The following NCKAP1 variants were observed in gnomAD, a reference collection of about 807,000 sequenced individuals.
The protein encoded by NCKAP1 is nck-associated protein 1.
In NCKAP1, 21 loss-of-function variants were observed where a neutral mutation model predicts 151.2. That is an observed-to-expected ratio of 0.14 (90% CI 0.10 to 0.20). NCKAP1 has a LOEUF of 0.20. Ranked by LOEUF, NCKAP1 falls within the 10% of genes least tolerant of loss-of-function variation. The probability of loss-of-function intolerance (pLI) is 1.00; values close to 1 mark genes in which losing one functional copy is unlikely to be tolerated. For synonymous variants in NCKAP1, 484 were observed against 451.8 expected (o/e 1.07, Z -0.90); for missense variants, 933 against 1,352.1 (o/e 0.69, Z 4.86).
At chr2:182,956,691 T>G in intron 19 of NCKAP1, 98 bp from the exon 20 acceptor site, 1 of 1,290,104 alleles carries the variant, frequency 7.8e-7, no homozygotes, top group Non-Finnish European at 1.0e-6. Flanking sequence ...GAGATAATGC[T>G]TAGAGAATTC....
chr2:182,948,629 T>TAA (rs1362320682), intron 23 of NCKAP1, among the ~76,000 whole-genome samples: 10 of 152,102 alleles, frequency 6.6e-5, no homozygotes, highest in Non-Finnish European at 1.5e-4. Flanking sequence ...GACCCTAGAA[T>TAA]AATGGACAAT....
At chr2:183,026,791 G>A (rs1698906269) in intron 1 of NCKAP1, among the ~76,000 whole-genome samples, 2 of 152,096 alleles carry the variant, frequency 1.3e-5, no homozygotes, top group Non-Finnish European at 2.9e-5. Flanking sequence ...TTAGAAGAGA[G>A]ATAAAGAAAC....
chr2:183,027,775 A>G (rs1698926386), intron 1 of NCKAP1, among the ~76,000 whole-genome samples: 1 of 152,204 alleles, frequency 6.6e-6, no homozygotes, highest in Non-Finnish European at 1.5e-5. Flanking sequence ...GTTATAGTTT[A>G]TAAAAATTCA....
At position 182,951,943 on chromosome 2, in the gene NCKAP1, T is replaced by C. The variant is rs1697226128; in HGVS notation, c.2601+462A>G. On this transcript the variant is annotated intron_variant, in intron 23 of 30. Coordinates refer to ENST00000361354, the MANE Select transcript of NCKAP1 (RefSeq NM_013436.5). ...TGAAACATTAAGCATTCTGAAGGCA[T>C]TTTTCATTCAACTTAGAGGGCATAA... Among the ~76,000 whole-genome samples, 2 of 152,186 alleles carry C rather than the reference T, an allele frequency of 1.3e-5. 1 individual carries two copies. Among genetic ancestry groups the C allele is most frequent in the African/African-American group, 4.8e-5 (2 of 41,442 alleles).
intron 20 of NCKAP1, among the ~76,000 whole-genome samples, chr2:182,954,521 A>G (rs115059328): frequency 6.6e-6 from 1 of 152,212 alleles, no homozygotes; most frequent in Non-Finnish European, 1.5e-5. Context: ...CCTAGTGTAT[A>G]ATCCCTAAGT....
At position 182,909,219 on chromosome 2, in the gene NCKAP1, T is replaced by C. The variant is rs548240365; in HGVS notation, c.*16483A>G. ...ATACACATTATATCAAATTTACCGT[T>C]TCAACCATTTTTAAGCATACAGTTC... On this transcript the variant is annotated 3_prime_UTR_variant, in exon 31 of 31. Coordinates refer to ENST00000361354, the MANE Select transcript of NCKAP1 (RefSeq NM_013436.5). 1 of 152,308 alleles carries C rather than the reference T, an allele frequency of 6.6e-6. No homozygotes were observed. Among genetic ancestry groups the C allele is most frequent in the Admixed American group, 6.5e-5 (1 of 15,296 alleles). 9.4% of individuals were successfully genotyped at this position (152,308 alleles called of 1,614,324 possible). A position where few individuals can be genotyped will look rare whatever the true frequency, so the allele number is the denominator to read the frequency against.
At chr2:183,037,666 T>C (rs1352763867) in intron 1 of NCKAP1, among the ~76,000 whole-genome samples, 3 of 151,972 alleles carry the variant, frequency 2.0e-5, no homozygotes, top group African/African-American at 4.8e-5. Context: ...ATGGGCCCCA[T>C]CATGGGGGCG....
intron 16 of NCKAP1, 128 bp from the exon 17 acceptor site, chr2:182,964,936 T>C: frequency 1.6e-6 from 1 of 609,186 alleles, no homozygotes; most frequent in Admixed American, 3.9e-5. Context: ...AAGAGAATAT[T>C]TTTCCCCCAA....
At chr2:183,029,432 C>T (rs1311458003) in intron 1 of NCKAP1, among the ~76,000 whole-genome samples, 1 of 151,210 alleles carries the variant, frequency 6.6e-6, no homozygotes, top group African/African-American at 2.4e-5. Flanking sequence ...GTTAATGTTA[C>T]TATTTTTCCA....
chr2:182,957,571 G>C lies in NCKAP1; in HGVS notation c.1907C>G (p.Thr636Ser). 6.2e-7 allele frequency: 1 copy of C among 1,612,834 alleles called. No homozygotes were observed. The highest frequency in any genetic ancestry group is 1.1e-5 in the South Asian group (1 of 90,732). ...DQLLPKHCAK[T>S]ISQAVNKKSK... ...TTTCTTATTCACTGCTTGACTGATA[G>C]TTTTGGCACAATGCTTGGGTAGCAA... The change falls in exon 19 of 31, where the codon ACT (threonine) becomes AGT (serine). Residue 636 changes from threonine (T) to serine (S), a missense_variant. Around this residue, in one of 2 missense-constraint regions of NCKAP1, gnomAD observed 607 missense variants for 795.0 expected, o/e 0.76. Transcript: ENST00000361354.
At chr2:182,987,263 GTAAA>G (rs906636310) in intron 9 of NCKAP1, among the ~76,000 whole-genome samples, 6 of 151,730 alleles carry the variant, frequency 4.0e-5, no homozygotes, top group Admixed American at 3.9e-4. Flanking sequence ...AAAAAAAAAA[GTAAA>G]TAAATAAAAA....
chr2:182,946,403 A>C (rs1351239577), intron 23 of NCKAP1, among the ~76,000 whole-genome samples: 1 of 150,516 alleles, frequency 6.6e-6, no homozygotes, highest in Non-Finnish European at 1.5e-5. Context: ...TCTGTTTACA[A>C]AAAAAAAAGG....
rs1368484618 is a variant in NCKAP1 at position 182,912,516 on chromosome 2, G to C, written c.*13186C>G. ...CCTGTAAAAATTATATATTCAGAAA[G>C]GCATTTTTCTCAGCAAAAGGGAAAA... On this transcript the variant is annotated 3_prime_UTR_variant, in exon 31 of 31. Transcript: ENST00000361354. 6.6e-6 allele frequency: 1 copy of C among 152,092 alleles called. No individual in the cohort carries two copies. Among genetic ancestry groups the C allele is most frequent in the Non-Finnish European group, 1.5e-5 (1 of 68,014 alleles). The allele number at this position is 152,092 out of a possible 1,614,324, so 9.4% of individuals were successfully genotyped here. A position where few individuals can be genotyped will look rare whatever the true frequency, so the allele number is the denominator to read the frequency against.
chr2:182,929,034 C>A, intron 27 of NCKAP1, 135 bp from the exon 28 acceptor site: 1 of 582,950 alleles, frequency 1.7e-6, no homozygotes. Flanking sequence ...ATTTTACTAG[C>A]ATTCTATAGA....
At chr2:182,962,051 A>G (rs996189750) in intron 18 of NCKAP1, 108 bp downstream of exon 18, 20 of 1,156,208 alleles carry the variant, frequency 1.7e-5, no homozygotes, top group African/African-American at 4.7e-5. Context: ...GAGGTTTACT[A>G]ATAGTGTGGG....
chr2:183,012,322 C>T (rs1312434878), intron 2 of NCKAP1, among the ~76,000 whole-genome samples: 3 of 152,140 alleles, frequency 2.0e-5, no homozygotes, highest in Non-Finnish European at 4.4e-5. Context: ...TGAGTAGGTA[C>T]CCATGAATGA....
Position 182,930,729 on chromosome 2 carries a change from A to G in NCKAP1, c.2919T>C (p.Pro973=). Residue 973 remains proline, a synonymous_variant, in exon 27 of 31, where the codon CCT becomes CCC. Coordinates refer to ENST00000361354, the MANE Select transcript of NCKAP1 (RefSeq NM_013436.5). ...GTGAAGAAAGAGCTACGACCAATGC[A>G]GGATCAATCTCACAAGGTAATCCGG... ...SAAGLPCEID[P]ALVVALSSQK... 1 of 1,613,532 alleles carries G rather than the reference A, an allele frequency of 6.2e-7. No individual in the cohort carries two copies. The highest frequency in any genetic ancestry group is 8.5e-7 in the Non-Finnish European group (1 of 1,179,500).
rs1318177153 is a variant in NCKAP1, at chr2:182,924,130, CT to C, written c.*1571del. 3 of 152,214 alleles carry C rather than the reference CT, an allele frequency of 2.0e-5. No individual in the cohort carries two copies. In the East Asian group the frequency reaches 5.8e-4, roughly 29 times the overall value. 9.4% of individuals were successfully genotyped at this position (152,214 alleles called of 1,614,324 possible). On this transcript the variant is annotated 3_prime_UTR_variant, in exon 31 of 31. Transcript: ENST00000361354. The stretch of plus-strand genomic sequence containing the variant: ...TGAACTATGCCATTTTAAAATTTCC[CT>C]TTTTAAAAAATCTTTATGGAACAAG...
intron 23 of NCKAP1, chr2:182,947,107 T>G (rs1049588440): frequency 3.3e-5 from 5 of 152,282 alleles, no homozygotes; most frequent in African/African-American, 1.2e-4. Context: ...GCAGGAATCA[T>G]CTGAAGCCTA....
Sources: allele counts gnomAD v4.1 joint callset (sites outside exome capture counted in the v4.1 genomes callset), GRCh38; gene constraint gnomAD v4.1.1; regional missense constraint gnomAD v4.1.1; transcripts MANE v1.5; gene names NCBI Gene and HGNC (gene_info 2026-07-23, HGNC 2026-07-21).